The following RBFOX1 variants were observed in gnomAD, a reference collection of about 807,000 sequenced individuals.
RBFOX1 encodes RNA binding fox-1 homolog 1.
Under a neutral mutation model 57.7 loss-of-function variants are expected in RBFOX1, and 8 were observed. That is an observed-to-expected ratio of 0.14 (90% CI 0.08 to 0.25). The LOEUF is 0.25. Ranked by LOEUF, RBFOX1 falls within the 10% of genes least tolerant of loss-of-function variation. The pLI is 1.00. For missense variants in RBFOX1, 611 were observed against 548.5 expected (o/e 1.11, Z -1.14); for synonymous variants, 326 against 222.4 (o/e 1.47, Z -4.15).
chr16:7,664,575 C>T (rs1451362386), intron 12 of RBFOX1, among the ~76,000 whole-genome samples: 1 of 152,056 alleles, frequency 6.6e-6, no homozygotes, highest in Non-Finnish European at 1.5e-5. Context: ...GGTTTGATTG[C>T]CAACTCTGAC....
At chr16:6,811,742 A>T (rs181856282) in intron 3 of RBFOX1, among the ~76,000 whole-genome samples, 1 of 152,126 alleles carries the variant, frequency 6.6e-6, no homozygotes, top group African/African-American at 2.4e-5. Context: ...TACAGAAATT[A>T]GCTGGGCGTG....
chr16:6,624,461 C>T (rs184537632), intron 2 of RBFOX1, among the ~76,000 whole-genome samples: 1 of 152,146 alleles, frequency 6.6e-6, no homozygotes, highest in East Asian at 1.9e-4. Flanking sequence ...CAACCACAGC[C>T]CTTCTGAATT....
At chr16:5,836,136 G>A (rs1450413811) in intron 3 of RBFOX1, among the ~76,000 whole-genome samples, 2 of 152,200 alleles carry the variant, frequency 1.3e-5, no homozygotes, top group South Asian at 4.1e-4. Context: ...GCTGAGCCGG[G>A]GAGGGCAGCT....
chr16:7,218,700 C>T (rs2092471192), intron 4 of RBFOX1, among the ~76,000 whole-genome samples: 1 of 134,758 alleles, frequency 7.4e-6, no homozygotes, highest in Non-Finnish European at 1.5e-5. Context: ...TCCTAACTGG[C>T]TGTGAGACTT....
rs189918319 is a variant in RBFOX1, at chr16:5,627,254, A to G, written c.318+28293A>G. On this transcript the variant is annotated intron_variant, in intron 3 of 19. Transcript: ENST00000641259. ...TCCCATGTAGTGGCACCAAATTACC[A>G]TCTTCTCTTCAAGATTTTCTCATGT... Among the ~76,000 whole-genome samples the G allele has an allele frequency of 4.6e-5, 7 of 152,298 alleles. No homozygotes were observed. The East Asian group carries it at 9.6e-4, about 21-fold the overall frequency.
At position 7,567,253 on chromosome 16, in the gene RBFOX1, A is replaced by T. The variant is rs1156747190; in HGVS notation, c.271-12524A>T. Among the ~76,000 whole-genome samples the T allele has an allele frequency of 4.0e-4, 17 of 42,170 alleles. 1 individual carries two copies. In the South Asian group the frequency reaches 0.011, roughly 27 times the overall value. The allele number at this position is 42,170 out of a possible 152,430, so 27.7% of individuals were successfully genotyped here. On this transcript the variant is annotated intron_variant, in intron 5 of 15. Transcript: ENST00000550418. ...CCTATATATATATCCATATATCCCT[A>T]TATATATATATCCCTATATATATAT... is the stretch of plus-strand genomic sequence containing the variant.
chr16:7,360,880 A>G (rs1437505368), intron 4 of RBFOX1, among the ~76,000 whole-genome samples: 1 of 152,168 alleles, frequency 6.6e-6, no homozygotes, highest in Non-Finnish European at 1.5e-5. Context: ...ATCTTCGAGT[A>G]TCTATTTAGA....
intron 1 of RBFOX1, among the ~76,000 whole-genome samples, chr16:6,081,963 A>G (rs1305025806): frequency 6.6e-6 from 1 of 152,134 alleles, no homozygotes; most frequent in Non-Finnish European, 1.5e-5. Flanking sequence ...AGGAGGGATT[A>G]TAGTCACATG....
At chr16:7,062,317 C>CAAAAAAAAAA (rs57989614) in intron 4 of RBFOX1, among the ~76,000 whole-genome samples, 1 of 65,334 alleles carries the variant, frequency 1.5e-5, no homozygotes, top group African/African-American at 6.1e-5. Flanking sequence ...GACTCCATCT[C>CAAAAAAAAAA]AAAAAAAAAA....
intron 2 of RBFOX1, among the ~76,000 whole-genome samples, chr16:6,622,669 A>G (rs752420566): frequency 6.6e-6 from 1 of 152,248 alleles, no homozygotes; most frequent in Non-Finnish European, 1.5e-5. Flanking sequence ...TTTTTAGAAG[A>G]TAAATGAATG....
intron 1 of RBFOX1, among the ~76,000 whole-genome samples, chr16:5,447,201 G>T (rs2068269304): frequency 1.3e-5 from 2 of 151,970 alleles, no homozygotes; most frequent in African/African-American, 4.8e-5. Flanking sequence ...AAGGAGTATT[G>T]TCCTGCCACC....
At chr16:5,476,781 C>T (rs999088491) in intron 2 of RBFOX1, among the ~76,000 whole-genome samples, 5 of 152,276 alleles carry the variant, frequency 3.3e-5, no homozygotes, top group African/African-American at 4.8e-5. Flanking sequence ...CCTTTAACTT[C>T]GAAGTTTCTT....
rs541038491 is a variant in RBFOX1, at chr16:7,292,312, G to A, written c.28-225835G>A. Among the ~76,000 whole-genome samples the A allele has an allele frequency of 1.2e-3, 150 of 120,788 alleles. 2 individuals are homozygous for A. Among genetic ancestry groups the A allele is most frequent in the Non-Finnish European group, 1.8e-3 (108 of 60,580 alleles). The allele number at this position is 120,788 out of a possible 152,430, so 79.2% of individuals were successfully genotyped here. On this transcript the variant is annotated intron_variant, in intron 4 of 15. Transcript: ENST00000550418. Reference sequence around the variant, plus strand: ...TCATATATGATATATGATATATGACGTATTATATATCATATATCATACATG... The same window carrying A: ...TCATATATGATATATGATATATGACATATTATATATCATATATCATACATG...
intron 2 of RBFOX1, among the ~76,000 whole-genome samples, chr16:6,601,895 G>T (rs1481794965): frequency 6.6e-6 from 1 of 152,180 alleles, no homozygotes; most frequent in Non-Finnish European, 1.5e-5. Context: ...GTCACAGTTT[G>T]TGCATTTTAA....
chr16:6,948,914 G>GGGAGA (rs2080128498), intron 3 of RBFOX1, among the ~76,000 whole-genome samples: 1 of 152,280 alleles, frequency 6.6e-6, no homozygotes, highest in South Asian at 2.1e-4. Flanking sequence ...CAATGAGGAA[G>GGGAGA]GGAGAGTGGG....
chr16:6,768,418 C>G (rs1244927872), intron 3 of RBFOX1, among the ~76,000 whole-genome samples: 1 of 151,812 alleles, frequency 6.6e-6, no homozygotes, highest in Non-Finnish European at 1.5e-5. Flanking sequence ...CCAAGCAAAT[C>G]AAACATATAA....
intron 1 of RBFOX1, among the ~76,000 whole-genome samples, chr16:6,285,004 A>G (rs2076758136): frequency 1.3e-5 from 2 of 152,224 alleles, no homozygotes; most frequent in African/African-American, 4.8e-5. Context: ...AAGGGCTTCA[A>G]AGAAACATTC....
chr16:7,272,854 C>T (rs1360908693), intron 4 of RBFOX1, among the ~76,000 whole-genome samples: 3 of 135,638 alleles, frequency 2.2e-5, no homozygotes, highest in Non-Finnish European at 1.6e-5. Flanking sequence ...CCCTTCCCTT[C>T]TTCCCTTCCG....
intron 3 of RBFOX1, among the ~76,000 whole-genome samples, chr16:6,825,186 G>T (rs575774139): frequency 1.3e-5 from 2 of 149,948 alleles, no homozygotes; most frequent in Non-Finnish European, 3.0e-5. Flanking sequence ...ATCCTTTCTT[G>T]TGGGGGGGCT....
Sources: allele counts gnomAD v4.1 joint callset (sites outside exome capture counted in the v4.1 genomes callset), GRCh38; gene constraint gnomAD v4.1.1; transcripts MANE v1.5; gene names NCBI Gene and HGNC (gene_info 2026-07-23, HGNC 2026-07-21).